SATB2: variants seen among roughly 807,000 people sequenced by gnomAD.
SATB2 encodes the protein DNA-binding protein SATB2.
Under a neutral mutation model 73.4 loss-of-function variants are expected in SATB2, and 1 was observed. That is an observed-to-expected ratio of 0.01 (90% CI 0.00 to 0.06). SATB2 has a LOEUF of 0.06. SATB2 is among the 10% of genes least tolerant of loss of function. The probability of loss-of-function intolerance (pLI) is 1.00; values close to 1 mark genes in which losing one functional copy is unlikely to be tolerated. For missense variants in SATB2, 459 were observed against 945.8 expected (o/e 0.49, Z 6.75); for synonymous variants, 397 against 367.0 (o/e 1.08, Z -0.93).
At chr2:199,298,485 C>T (rs910074686) in intron 10 of SATB2, among the ~76,000 whole-genome samples, 7 of 152,076 alleles carry the variant, frequency 4.6e-5, no homozygotes, top group African/African-American at 1.7e-4. Context: ...ATTATATTTC[C>T]ATTTGGACGT....
chr2:199,361,825 T>A (rs1293028179), intron 6 of SATB2, among the ~76,000 whole-genome samples: 1 of 144,418 alleles, frequency 6.9e-6, no homozygotes, highest in Non-Finnish European at 1.5e-5. Flanking sequence ...TGGCGCAATC[T>A]CAGCTCACTT....
chr2:199,283,336 C>G (rs1170341331), intron 10 of SATB2, among the ~76,000 whole-genome samples: 1 of 151,106 alleles, frequency 6.6e-6, no homozygotes. Context: ...GTGATCCACC[C>G]ACCTCTGCCT....
chr2:199,417,075 C>CA (rs1181407185), intron 3 of SATB2, among the ~76,000 whole-genome samples: 54 of 146,970 alleles, frequency 3.7e-4, no homozygotes, highest in South Asian at 6.5e-4. Flanking sequence ...CACACACTCA[C>CA]AAAAAAAAAT....
At chr2:199,454,023 A>C (rs879755637) in intron 2 of SATB2, among the ~76,000 whole-genome samples, 18 of 152,086 alleles carry the variant, frequency 1.2e-4, no homozygotes, top group Admixed American at 1.2e-3. Flanking sequence ...TTCTTCACCA[A>C]GATAATAATT....
intron 3 of SATB2, among the ~76,000 whole-genome samples, chr2:199,386,009 C>T (rs1436849245): frequency 1.3e-5 from 2 of 152,104 alleles, no homozygotes; most frequent in Non-Finnish European, 2.9e-5. Flanking sequence ...TACATAAGTG[C>T]TCCATAAAAC....
At chr2:199,312,964 C>T (rs1345652512) in intron 9 of SATB2, among the ~76,000 whole-genome samples, 1 of 152,126 alleles carries the variant, frequency 6.6e-6, no homozygotes, top group Admixed American at 6.6e-5. Flanking sequence ...TCACAGACTG[C>T]AGAAGACTAA....
chr2:199,331,616 G>A (rs1197204929), intron 7 of SATB2, among the ~76,000 whole-genome samples: 3 of 152,134 alleles, frequency 2.0e-5, no homozygotes, highest in Non-Finnish European at 4.4e-5. Context: ...CACAAGAAGA[G>A]TTTTAGTTGT....
chr2:199,431,782 G>A (rs763144546), intron 3 of SATB2, among the ~76,000 whole-genome samples: 1 of 152,152 alleles, frequency 6.6e-6, no homozygotes, highest in African/African-American at 2.4e-5. Context: ...ATGTGAGCTC[G>A]CGACGCGCTG....
At chr2:199,351,398 T>C (rs1385771286) in intron 6 of SATB2, among the ~76,000 whole-genome samples, 1 of 152,086 alleles carries the variant, frequency 6.6e-6, no homozygotes, top group Non-Finnish European at 1.5e-5. Context: ...TCTGGCCTCA[T>C]GTGATCCACC....
intron 10 of SATB2, among the ~76,000 whole-genome samples, chr2:199,274,847 G>A (rs1285413835): frequency 6.6e-6 from 1 of 151,862 alleles, no homozygotes; most frequent in African/African-American, 2.4e-5. Context: ...GGGGGTGGGG[G>A]GACTGGTGCT....
chr2:199,458,505 CG>C, upstream of SATB2: 1 of 376,722 alleles, frequency 2.7e-6, no homozygotes, highest in Non-Finnish European at 5.2e-6. Context: ...TGGGCGCAGG[CG>C]GGCACCGGGG....
At chr2:199,343,476 T>A (rs570809006) in intron 7 of SATB2, among the ~76,000 whole-genome samples, 6 of 152,214 alleles carry the variant, frequency 3.9e-5, no homozygotes, top group Non-Finnish European at 8.8e-5. Context: ...CTATGGTTGG[T>A]TTCATGGGGC....
chr2:199,369,441 T>G (rs552035233), intron 5 of SATB2, among the ~76,000 whole-genome samples: 66 of 152,154 alleles, frequency 4.3e-4, no homozygotes, highest in Non-Finnish European at 6.6e-4. Flanking sequence ...AAGTTAAAAT[T>G]ATAATTACAC....
chr2:199,341,761 A>G (rs1405573026), intron 7 of SATB2, among the ~76,000 whole-genome samples: 2 of 152,216 alleles, frequency 1.3e-5, no homozygotes, highest in Non-Finnish European at 2.9e-5. Flanking sequence ...CTACTACCCT[A>G]TGGCATGACC....
chr2:199,433,506 T>C lies in SATB2; in HGVS notation c.178A>G (p.Ile60Val). 2 of 1,614,004 alleles carry C rather than the reference T, an allele frequency of 1.2e-6. No homozygotes were observed. Among genetic ancestry groups the C allele is most frequent in the Non-Finnish European group, 1.7e-6 (2 of 1,179,974 alleles). Residue 60 changes from isoleucine (I) to valine (V), a missense_variant, in exon 3 of 11, where the codon ATT (isoleucine) becomes GTT (valine). Transcript: ENST00000417098. ...AVAKAVGGLM[I>V]PVFCVVEQLD... ...TGCTCCACGACACAAAAGACAGGAA[T>C]CATCAAACCTGAAGGGACAAAATTC...
chr2:199,456,706 G>A lies in SATB2; in HGVS notation c.-59-610C>T, dbSNP rs547244798. Among the ~76,000 whole-genome samples, 114 of 152,254 alleles carry A rather than the reference G, an allele frequency of 7.5e-4. 1 individual carries two copies. The highest frequency in any genetic ancestry group is 1.9e-3 in the East Asian group (10 of 5,186). ...TAATAAGCATCCGAAAACACTTGGA[G>A]GTATTTATCAGAATAACCTCCATCA... is the stretch of plus-strand genomic sequence containing the variant. On this transcript the variant is annotated intron_variant, in intron 1 of 10. Transcript: ENST00000417098.
At chr2:199,319,355 C>A (rs1353579747) in intron 9 of SATB2, among the ~76,000 whole-genome samples, 1 of 152,128 alleles carries the variant, frequency 6.6e-6, no homozygotes, top group African/African-American at 2.4e-5. Context: ...GGACATCTTA[C>A]TAATATCATC....
At chr2:199,303,754 G>C (rs1687350029) in intron 10 of SATB2, among the ~76,000 whole-genome samples, 1 of 152,150 alleles carries the variant, frequency 6.6e-6, no homozygotes, top group African/African-American at 2.4e-5. Context: ...CTGTGGCTTA[G>C]AAAATGTTGA....
intron 6 of SATB2, among the ~76,000 whole-genome samples, chr2:199,355,344 G>GATATATATATA (rs1688946287): frequency 2.5e-4 from 1 of 4,022 alleles, no homozygotes; most frequent in Non-Finnish European, 6.0e-3. Context: ...GTGTGTGTGT[G>GATATATATATA]TATCTATATA....
Sources: allele counts gnomAD v4.1 joint callset (sites outside exome capture counted in the v4.1 genomes callset), GRCh38; gene constraint gnomAD v4.1.1; transcripts MANE v1.5; gene names NCBI Gene and HGNC (gene_info 2026-07-23, HGNC 2026-07-21).